Variants in DYRK1A observed in about 807,000 individuals in gnomAD.
DYRK1A encodes dual specificity tyrosine phosphorylation regulated kinase 1A, also known as dual specificity tyrosine-phosphorylation-regulated kinase 1A.
A neutral mutation model predicts 79.7 loss-of-function variants in DYRK1A; 9 were observed. The ratio of observed to expected loss-of-function variants is 0.11; its 90% CI spans 0.07 to 0.20. The LOEUF is 0.20. DYRK1A is among the 10% of genes least tolerant of loss of function. The pLI is 1.00. For synonymous variants in DYRK1A, 349 were observed against 329.7 expected, an observed-to-expected ratio of 1.06 and a Z score of -0.63; for missense variants, 622 against 956.0, an observed-to-expected ratio of 0.65 and a Z score of 4.61.
chr21:37,400,902 T>C (rs565725371), intron 1 of DYRK1A, among the ~76,000 whole-genome samples: 108 of 152,290 alleles, frequency 7.1e-4, no homozygotes, highest in African/African-American at 2.5e-3. Flanking sequence ...CCCAGCACTT[T>C]GGGAGGCTGA....
intron 2 of DYRK1A, among the ~76,000 whole-genome samples, chr21:37,455,646 A>G (rs954301942): frequency 1.4e-4 from 21 of 151,958 alleles, no homozygotes; most frequent in African/African-American, 4.6e-4. Context: ...TTTGCTGACA[A>G]TTCCCTCCTT....
chr21:37,424,106 T>C (rs1050705832), intron 2 of DYRK1A, among the ~76,000 whole-genome samples: 2 of 152,042 alleles, frequency 1.3e-5, no homozygotes, highest in Non-Finnish European at 2.9e-5. Context: ...TGAAAGGGCA[T>C]GTAGATTGTA....
intron 2 of DYRK1A, among the ~76,000 whole-genome samples, chr21:37,460,291 TG>T (rs1227043656): frequency 6.6e-6 from 1 of 152,188 alleles, no homozygotes; most frequent in Non-Finnish European, 1.5e-5. Context: ...CAGATTGATT[TG>T]TCTGTGCTCT....
chr21:37,458,268 CTGTGTGTGTGTGTG>C lies in DYRK1A; in HGVS notation c.11-14390_11-14377del, dbSNP rs3138683. On this transcript the variant is annotated intron_variant, in intron 2 of 11. Transcript: ENST00000647188. ...TAGGGGAGGGCATCTGGGTAATTTACTGTGTGTGTGTGTGTGTGTGTGTGTGTGTGTGTGTGTGT... is the reference window on the plus strand; with the variant it reads ...TAGGGGAGGGCATCTGGGTAATTTACTGTGTGTGTGTGTGTGTGTGTGTGT... Among the ~76,000 whole-genome samples the C allele has an allele frequency of 1.7e-3, 228 of 130,586 alleles. 1 individual carries two copies. The highest frequency in any genetic ancestry group is 2.4e-3 in the Non-Finnish European group (146 of 61,180). 85.7% of individuals were successfully genotyped at this position (130,586 alleles called of 152,430 possible). A position where few individuals can be genotyped will look rare whatever the true frequency, so the allele number is the denominator to read the frequency against.
At chr21:37,432,673 T>C (rs2050808462) in intron 2 of DYRK1A, among the ~76,000 whole-genome samples, 1 of 152,180 alleles carries the variant, frequency 6.6e-6, no homozygotes, top group Non-Finnish European at 1.5e-5. Context: ...TCTTGGCTAA[T>C]ACATTACTGG....
intron 2 of DYRK1A, among the ~76,000 whole-genome samples, chr21:37,468,915 A>G (rs1315185144): frequency 1.3e-5 from 2 of 152,246 alleles, no homozygotes; most frequent in Admixed American, 6.5e-5. Context: ...CCTGTAACCA[A>G]TAGGGGCTCG....
At chr21:37,507,994 A>G (rs916520308) in intron 11 of DYRK1A, among the ~76,000 whole-genome samples, 1 of 151,812 alleles carries the variant, frequency 6.6e-6, no homozygotes, top group African/African-American at 2.4e-5. Flanking sequence ...TTCCTTCCCA[A>G]CGCTTCTACT....
intron 1 of DYRK1A, among the ~76,000 whole-genome samples, chr21:37,403,570 G>A (rs1187789664): frequency 1.3e-5 from 2 of 151,220 alleles, no homozygotes; most frequent in Non-Finnish European, 2.9e-5. Context: ...GGCTCAAGTG[G>A]TCCTCCCACT....
intron 2 of DYRK1A, among the ~76,000 whole-genome samples, chr21:37,448,430 T>G (rs982059919): frequency 2.0e-5 from 3 of 152,172 alleles, no homozygotes; most frequent in Non-Finnish European, 4.4e-5. Flanking sequence ...GCCTAGCAAG[T>G]CCAAAACTCT....
chr21:37,481,227 G>C (rs1309241357), intron 5 of DYRK1A: 1 of 153,626 alleles, frequency 6.5e-6, no homozygotes, highest in Non-Finnish European at 1.4e-5. Context: ...TGCAGTGGGA[G>C]TCCACTCACT....
intron 1 of DYRK1A, among the ~76,000 whole-genome samples, chr21:37,397,612 A>G (rs765401454): frequency 6.6e-5 from 10 of 152,184 alleles, no homozygotes; most frequent in Non-Finnish European, 1.0e-4. Flanking sequence ...CTGCTTGAAT[A>G]TCACCAGGCC....
rs772599209 is a variant in DYRK1A, at chr21:37,472,758, C to G, written c.85C>G (p.Gln29Glu). Residue 29 changes from glutamine (Q) to glutamate (E), a missense_variant, in exon 3 of 12, where the codon CAG becomes GAG. This residue lies in a region of DYRK1A where 91 missense variants were observed against 113.8 expected (regional missense o/e 0.80). Transcript: ENST00000647188. ...ATTTTCATTCCATGCTGCTGGCCTT[C>G]AGATGGCTGGACAGATGCCCCATTC... ...PSFSFHAAGLQMAGQMPHSHQ... is the reference protein window; with the variant it reads ...PSFSFHAAGLEMAGQMPHSHQ... The G allele has an allele frequency of 6.2e-7, 1 of 1,612,868 alleles. No homozygotes were observed. The highest frequency in any genetic ancestry group is 8.5e-7 in the Non-Finnish European group (1 of 1,179,086).
chr21:37,413,967 C>G (rs1414057903), intron 1 of DYRK1A, among the ~76,000 whole-genome samples: 3 of 151,976 alleles, frequency 2.0e-5, no homozygotes, highest in African/African-American at 7.3e-5. Context: ...AGCCACATAC[C>G]CTCAATAGGT....
chr21:37,448,325 A>G (rs1173578091), intron 2 of DYRK1A, among the ~76,000 whole-genome samples: 1 of 152,026 alleles, frequency 6.6e-6, no homozygotes, highest in Non-Finnish European at 1.5e-5. Context: ...AATTTTTACA[A>G]TTTTTTTTAA....
intron 2 of DYRK1A, among the ~76,000 whole-genome samples, chr21:37,450,028 G>C (rs191152549): frequency 6.6e-6 from 1 of 152,140 alleles, no homozygotes; most frequent in African/African-American, 2.4e-5. Context: ...AGTCTGCTTC[G>C]GATCCCACAC....
intron 4 of DYRK1A, among the ~76,000 whole-genome samples, chr21:37,478,999 G>A (rs1435817678): frequency 3.3e-5 from 5 of 152,284 alleles, no homozygotes; most frequent in African/African-American, 1.2e-4. Flanking sequence ...TGTCTCCAAA[G>A]TTAATTATTA....
At chr21:37,372,269 C>T (rs2049445950) in intron 1 of DYRK1A, among the ~76,000 whole-genome samples, 1 of 142,860 alleles carries the variant, frequency 7.0e-6, no homozygotes, top group Admixed American at 7.0e-5. Context: ...CATGGTGAAA[C>T]CCTGTCTCAA....
At chr21:37,498,240 A>G (rs550357110) in intron 9 of DYRK1A, among the ~76,000 whole-genome samples, 106 of 152,280 alleles carry the variant, frequency 7.0e-4, no homozygotes, top group African/African-American at 2.2e-3. Flanking sequence ...TTTGAAGTAC[A>G]GTTTATATAA....
rs1192310028 is a variant in DYRK1A, at chr21:37,367,454, C to T, written c.-251C>T. On this transcript the variant is annotated 5_prime_UTR_variant, in exon 1 of 12. Transcript: ENST00000647188. Reference sequence around the variant, plus strand: ...CCCCGGCCCCGGGCGCCGCTGGAACCGCGAGCCGAGGAGAGACTGAGCAGG... The same window carrying T: ...CCCCGGCCCCGGGCGCCGCTGGAACTGCGAGCCGAGGAGAGACTGAGCAGG... 6.7e-6 allele frequency: 1 copy of T among 148,736 alleles called. No homozygotes were observed. The highest frequency in any genetic ancestry group is 2.0e-4 in the East Asian group (1 of 5,008). 9.2% of individuals were successfully genotyped at this position (148,736 alleles called of 1,614,324 possible).
Sources: gnomAD v4.1 joint callset for allele counts (sites outside exome capture counted in the v4.1 genomes callset) on GRCh38, gnomAD v4.1.1 for gene constraint, gnomAD v4.1.1 regional missense constraint, MANE v1.5 for transcripts, NCBI Gene and HGNC (gene_info 2026-07-23, HGNC 2026-07-21) for gene names.